Variants in XYLT1 observed in about 807,000 individuals in gnomAD.
The protein encoded by XYLT1 is xylosyltransferase 1, also known as beta-D-xylosyltransferase 1.
A neutral mutation model predicts 91.3 loss-of-function variants in XYLT1; 36 were observed. That is an observed-to-expected ratio of 0.39 (90% CI 0.30 to 0.52). XYLT1 has a LOEUF of 0.52. Ranked by LOEUF, XYLT1 falls within the 20% of genes least tolerant of loss-of-function variation. XYLT1 has a pLI of 0.68. For missense variants in XYLT1, 1,242 were observed against 1,284.5 expected, an observed-to-expected ratio of 0.97 and a Z score of 0.51; for synonymous variants, 588 against 532.0, an observed-to-expected ratio of 1.11 and a Z score of -1.45.
chr16:17,451,509 C>T (rs1362349847), intron 1 of XYLT1, among the ~76,000 whole-genome samples: 6 of 152,170 alleles, frequency 3.9e-5, no homozygotes, highest in South Asian at 2.1e-4. Flanking sequence ...CCCCAGCTCC[C>T]GTGCAGTGAC....
chr16:17,135,223 T>C (rs2030668325), intron 8 of XYLT1, among the ~76,000 whole-genome samples: 1 of 152,180 alleles, frequency 6.6e-6, no homozygotes, highest in Non-Finnish European at 1.5e-5. Flanking sequence ...TGGTAACAAC[T>C]GGTTAAAGCT....
At chr16:17,209,858 C>A (rs2032726288) in intron 3 of XYLT1, among the ~76,000 whole-genome samples, 1 of 152,202 alleles carries the variant, frequency 6.6e-6, no homozygotes. Flanking sequence ...TTAACAGGGA[C>A]CTGATCCTGA....
At chr16:17,461,393 G>C (rs531167367) in intron 1 of XYLT1, among the ~76,000 whole-genome samples, 1 of 152,200 alleles carries the variant, frequency 6.6e-6, no homozygotes, top group South Asian at 2.1e-4. Context: ...TTATCAGCAC[G>C]GGCTCTAACT....
At chr16:17,425,402 C>T (rs193166604) in intron 1 of XYLT1, among the ~76,000 whole-genome samples, 1 of 152,270 alleles carries the variant, frequency 6.6e-6, no homozygotes, top group Admixed American at 6.5e-5. Context: ...TTATATAGGA[C>T]ACCATGCAGC....
In XYLT1 at chr16:17,241,445, G is replaced by A. The variant is rs1253620693; in HGVS notation, c.913+17543C>T. 2.0e-5 allele frequency among the ~76,000 whole-genome samples: 3 copies of A among 152,232 alleles called. No homozygotes were observed. The East Asian group carries it at 5.8e-4, about 29-fold the overall frequency. ...AGAGACTACAGTTTCTTCATGCCTG[G>A]CCCACTGCCGTGGCTTCGCTGGGCC... is the stretch of plus-strand genomic sequence containing the variant. On this transcript the variant is annotated intron_variant, in intron 3 of 11. Coordinates refer to ENST00000261381, the MANE Select transcript of XYLT1 (RefSeq NM_022166.4).
At chr16:17,387,939 A>T (rs1243215002) in intron 1 of XYLT1, among the ~76,000 whole-genome samples, 1 of 152,224 alleles carries the variant, frequency 6.6e-6, no homozygotes, top group African/African-American at 2.4e-5. Context: ...TAAAACAAAG[A>T]TGCTACACAA....
chr16:17,270,849 CAG>C (rs2033877708), intron 2 of XYLT1, among the ~76,000 whole-genome samples: 1 of 152,162 alleles, frequency 6.6e-6, no homozygotes, highest in Non-Finnish European at 1.5e-5. Flanking sequence ...GTAGCTATGA[CAG>C]AGACTACATG....
intron 3 of XYLT1, among the ~76,000 whole-genome samples, chr16:17,242,799 C>T (rs2033367916): frequency 6.6e-6 from 1 of 152,218 alleles, no homozygotes; most frequent in African/African-American, 2.4e-5. Context: ...CTAGGTCTCA[C>T]CATCCTACTC....
intron 3 of XYLT1, among the ~76,000 whole-genome samples, chr16:17,249,204 C>T (rs1452918969): frequency 6.6e-6 from 1 of 152,158 alleles, no homozygotes. Flanking sequence ...TTGAAGGGAG[C>T]TGGTGACAAA....
intron 1 of XYLT1, among the ~76,000 whole-genome samples, chr16:17,395,021 AG>A (rs2035866105): frequency 6.6e-6 from 1 of 152,170 alleles, no homozygotes; most frequent in African/African-American, 2.4e-5. Flanking sequence ...TAATTTATAA[AG>A]AAAAGAGGTT....
In XYLT1 at chr16:17,470,909, C is replaced by CGGG. The variant is rs2036984370; in HGVS notation, c.-114_-113insCCC. The CGGG allele has an allele frequency of 0.035, 9 of 260 alleles. No homozygotes were observed. Among genetic ancestry groups the CGGG allele is most frequent in the Admixed American group, 0.2 (2 of 10 alleles). 0.0% of individuals were successfully genotyped at this position (260 alleles called of 1,614,324 possible). A position where few individuals can be genotyped will look rare whatever the true frequency, so the allele number is the denominator to read the frequency against. On this transcript the variant is annotated 5_prime_UTR_variant, in exon 1 of 12. Transcript: ENST00000261381. ...GCTGCCGCTCGGGCTCCCGCTCGGG[C>CGGG]CGCCGCCGCCGCCCCCCTCCCCACA...
At chr16:17,224,631 T>C (rs1179340705) in intron 3 of XYLT1, among the ~76,000 whole-genome samples, 2 of 152,210 alleles carry the variant, frequency 1.3e-5, no homozygotes, top group Non-Finnish European at 2.9e-5. Context: ...TCATGAACTC[T>C]TGAAGCCTCC....
At chr16:17,226,337 G>A (rs1187054498) in intron 3 of XYLT1, among the ~76,000 whole-genome samples, 2 of 152,290 alleles carry the variant, frequency 1.3e-5, no homozygotes, top group South Asian at 2.1e-4. Context: ...CCTCAGGGCC[G>A]TAGTACCCTT....
intron 1 of XYLT1, among the ~76,000 whole-genome samples, chr16:17,375,068 G>A (rs1362928348): frequency 6.6e-6 from 1 of 152,126 alleles, no homozygotes; most frequent in African/African-American, 2.4e-5. Flanking sequence ...TTAATATAAG[G>A]CAGACACAGG....
At chr16:17,167,965 T>C (rs530561241) in intron 5 of XYLT1, among the ~76,000 whole-genome samples, 1 of 152,246 alleles carries the variant, frequency 6.6e-6, no homozygotes, top group South Asian at 2.1e-4. Context: ...CTCCAGACGG[T>C]TTATGCAAGG....
At chr16:17,245,918 G>A (rs969307729) in intron 3 of XYLT1, among the ~76,000 whole-genome samples, 6 of 152,326 alleles carry the variant, frequency 3.9e-5, no homozygotes, top group African/African-American at 1.4e-4. Context: ...AGTCCTTAGC[G>A]TCTTGGATGG....
intron 5 of XYLT1, among the ~76,000 whole-genome samples, chr16:17,159,496 C>T (rs60156346): frequency 2.6e-5 from 4 of 152,232 alleles, no homozygotes; most frequent in Middle Eastern, 3.4e-3. Flanking sequence ...GTAAGTTCCA[C>T]GAGGACAGAG....
At chr16:17,205,973 G>A (rs560512656) in intron 3 of XYLT1, among the ~76,000 whole-genome samples, 1 of 152,282 alleles carries the variant, frequency 6.6e-6, no homozygotes, top group East Asian at 1.9e-4. Flanking sequence ...GTATGCAAAT[G>A]AGGCTTGGGT....
intron 5 of XYLT1, among the ~76,000 whole-genome samples, chr16:17,176,050 A>C (rs2031934914): frequency 6.6e-6 from 1 of 151,966 alleles, no homozygotes; most frequent in Non-Finnish European, 1.5e-5. Flanking sequence ...CAAAAAAAAA[A>C]TGCGGTAAAA....
Sources: gnomAD v4.1 joint callset for allele counts (sites outside exome capture counted in the v4.1 genomes callset) on GRCh38, gnomAD v4.1.1 for gene constraint, MANE v1.5 for transcripts, NCBI Gene and HGNC (gene_info 2026-07-23, HGNC 2026-07-21) for gene names.